POMT2: variants seen among roughly 807,000 people sequenced by gnomAD.
The protein encoded by POMT2 is protein O-mannosyl-transferase 2.
In POMT2, 75 loss-of-function variants were observed where a neutral mutation model predicts 100.0. The observed-to-expected ratio is 0.75, with a 90% CI of 0.62 to 0.91. POMT2 has a LOEUF of 0.91. Ranked by LOEUF, POMT2 falls within the 40% of genes least tolerant of loss-of-function variation. POMT2 has a pLI of 0.00. For synonymous variants in POMT2, 378 were observed against 374.1 expected, an observed-to-expected ratio of 1.01 and a Z score of -0.12; for missense variants, 940 against 955.1, an observed-to-expected ratio of 0.98 and a Z score of 0.21.
At chr14:77,317,189 G>T (rs779619017) in intron 1 of POMT2, among the ~76,000 whole-genome samples, 1 of 152,218 alleles carries the variant, frequency 6.6e-6, no homozygotes, top group Non-Finnish European at 1.5e-5. Flanking sequence ...TGCTTGTCTT[G>T]CAGTAAAGGA....
At chr14:77,307,564 C>T (rs542712206) in intron 2 of POMT2, among the ~76,000 whole-genome samples, 2 of 152,310 alleles carry the variant, frequency 1.3e-5, no homozygotes, top group African/African-American at 2.4e-5. Flanking sequence ...CCTGGGATCT[C>T]GCAGGACAAG....
intron 20 of POMT2, 122 bp downstream of exon 20, chr14:77,278,272 C>T (rs1890052595): frequency 1.2e-6 from 1 of 864,404 alleles, no homozygotes; most frequent in Non-Finnish European, 1.9e-6. Flanking sequence ...TTGGGTGACG[C>T]AGAACCTCCA....
At chr14:77,291,540 C>T in intron 9 of POMT2, 160 bp from the exon 10 acceptor site, 1 of 926,890 alleles carries the variant, frequency 1.1e-6, no homozygotes, top group Non-Finnish European at 1.7e-6. Context: ...CCCAATGGGG[C>T]TCATATGTAG....
At chr14:77,284,105 T>C (rs1268615346) in intron 14 of POMT2, 1 of 552,256 alleles carries the variant, frequency 1.8e-6, no homozygotes, top group Admixed American at 2.6e-5. Context: ...TTTCACCTGC[T>C]TGGTGCTCCA....
intron 3 of POMT2, among the ~76,000 whole-genome samples, chr14:77,305,848 G>C (rs1891207204): frequency 6.6e-6 from 1 of 152,246 alleles, no homozygotes; most frequent in Admixed American, 6.5e-5. Context: ...AACTCTTTCT[G>C]TGTGCCTGAA....
intron 1 of POMT2, 43 bp downstream of exon 1, chr14:77,320,390 GT>G: frequency 1.9e-6 from 3 of 1,543,282 alleles, no homozygotes; most frequent in Non-Finnish European, 1.7e-6. Flanking sequence ...GCGGCGTCCC[GT>G]CGCGGTTGCC....
chr14:77,306,837 A>G lies in POMT2; in HGVS notation c.334-396T>C. The stretch of plus-strand genomic sequence containing the variant: ...CCTGGGGAATTGGCCTTTTGAAAGG[A>G]AAGTGAGATTCCAAGTCACAGTGAG... On this transcript the variant is annotated intron_variant, in intron 2 of 20. Coordinates refer to ENST00000261534, the MANE Select transcript of POMT2 (RefSeq NM_013382.7). 4 of 258,534 alleles carry G rather than the reference A, an allele frequency of 1.5e-5. 1 individual carries two copies. The highest frequency in any genetic ancestry group is 3.0e-5 in the Non-Finnish European group (4 of 132,610). The allele number at this position is 258,534 out of a possible 1,614,324, so 16.0% of individuals were successfully genotyped here.
At chr14:77,289,030 A>C (rs1394543029) in intron 10 of POMT2, among the ~76,000 whole-genome samples, 199 bp from the exon 11 acceptor site, 1 of 151,536 alleles carries the variant, frequency 6.6e-6, no homozygotes, top group Non-Finnish European at 1.5e-5. Flanking sequence ...GCTCGAAAAG[A>C]CTCTTAAGGG....
At chr14:77,315,979 C>A (rs1891610900) in intron 1 of POMT2, among the ~76,000 whole-genome samples, 1 of 152,192 alleles carries the variant, frequency 6.6e-6, no homozygotes, top group East Asian at 1.9e-4. Flanking sequence ...CCACTGCACT[C>A]CAGCCTGGGC....
At chr14:77,311,200 G>A (rs1891424141) in intron 2 of POMT2, among the ~76,000 whole-genome samples, 1 of 152,200 alleles carries the variant, frequency 6.6e-6, no homozygotes, top group African/African-American at 2.4e-5. Flanking sequence ...GGTAAAACAT[G>A]TGAGAGAAAC....
In POMT2 at chr14:77,320,616, G is replaced by A. The variant is rs200670377; in HGVS notation, c.66C>T (p.Gly22=). The A allele has an allele frequency of 1.3e-4, 209 of 1,589,456 alleles. 1 individual carries two copies. The Admixed American group carries it at 1.7e-3, about 13-fold the overall frequency. The stretch of plus-strand genomic sequence containing the variant: ...GGCCTGCGGCCCTAGCAGCCTGGGG[G>A]CCACAGCGGCCCCTCCGGGGACGCA... ...SELRPRRGRC[G]PQAARAAGRD... The change falls in exon 1 of 21, where the codon GGC becomes GGT. Residue 22 remains glycine, a synonymous_variant. Coordinates refer to ENST00000261534, the MANE Select transcript of POMT2 (RefSeq NM_013382.7).
chr14:77,281,305 C>A (rs1890226423), intron 15 of POMT2, among the ~76,000 whole-genome samples: 1 of 152,046 alleles, frequency 6.6e-6, no homozygotes, highest in Non-Finnish European at 1.5e-5. Context: ...AAGTTTCTCC[C>A]TAAACACACT....
chr14:77,280,570 T>C, intron 15 of POMT2, 107 bp from the exon 16 acceptor site: 4 of 1,575,318 alleles, frequency 2.5e-6, no homozygotes, highest in Non-Finnish European at 2.6e-6. Context: ...GAGCAGAACC[T>C]TCTCTCCTTC....
intron 1 of POMT2, 72 bp downstream of exon 1, chr14:77,320,362 C>G (rs1330465146): frequency 3.2e-6 from 5 of 1,540,042 alleles, no homozygotes; most frequent in East Asian, 2.4e-5. Flanking sequence ...CCCTCCGTAC[C>G]CTCGGGCCAA....
chr14:77,303,645 C>T (rs1891131364), intron 4 of POMT2, among the ~76,000 whole-genome samples: 1 of 152,182 alleles, frequency 6.6e-6, no homozygotes, highest in African/African-American at 2.4e-5. Context: ...TCCCTCAGAT[C>T]CCTGCAGGGC....
intron 1 of POMT2, among the ~76,000 whole-genome samples, chr14:77,313,566 G>T (rs1566662744): frequency 6.6e-6 from 1 of 152,210 alleles, no homozygotes. Flanking sequence ...TAACACATGT[G>T]AAAGAATTCT....
At position 77,302,819 on chromosome 14, in the gene POMT2, G is replaced by C. The variant is rs200230662; in HGVS notation, c.656+16C>G. 617 of 1,597,686 alleles carry C rather than the reference G, an allele frequency of 3.9e-4. 1 individual carries two copies. The highest frequency in any genetic ancestry group is 3.7e-4 in the Non-Finnish European group (431 of 1,165,874). ...ACAGCTTCCAACCCTCCCCTCCCGG[G>C]GATGGAGTTTCTGACCTGTCGGCGC... On this transcript the variant is annotated intron_variant, in intron 5 of 20. Coordinates refer to ENST00000261534, the MANE Select transcript of POMT2 (RefSeq NM_013382.7).
At chr14:77,279,783 T>A (rs374642969) in intron 18 of POMT2, 40 bp downstream of exon 18, 88 of 1,588,062 alleles carry the variant, frequency 5.5e-5, no homozygotes, top group Non-Finnish European at 7.5e-5. Flanking sequence ...GGTGCCCTGC[T>A]GCCGCCAGGT....
In POMT2 at chr14:77,308,361, T is replaced by TG. The variant is rs555902671; in HGVS notation, c.334-1921_334-1920insC. ...CCAATTGACAAAGTTTTTTTGTTTT[T>TG]TTTTTTTTTTTGAGATGAAGTGTTG... On this transcript the variant is annotated intron_variant, in intron 2 of 20. Coordinates refer to ENST00000261534, the MANE Select transcript of POMT2 (RefSeq NM_013382.7). Among the ~76,000 whole-genome samples, 9 of 149,556 alleles carry TG rather than the reference T, an allele frequency of 6.0e-5. No homozygotes were observed. In the South Asian group the frequency reaches 1.3e-3, roughly 21 times the overall value.
Sources: allele counts gnomAD v4.1 joint callset (sites outside exome capture counted in the v4.1 genomes callset), GRCh38; gene constraint gnomAD v4.1.1; transcripts MANE v1.5; gene names NCBI Gene and HGNC (gene_info 2026-07-23, HGNC 2026-07-21).